ABTB2: variants seen among roughly 807,000 people sequenced by gnomAD.
ABTB2 encodes the protein ankyrin repeat and BTB domain containing 2, also known as ankyrin repeat and BTB/POZ domain-containing protein 2.
A neutral mutation model predicts 104.1 loss-of-function variants in ABTB2; 56 were observed. That is an observed-to-expected ratio of 0.54 (90% confidence interval 0.43 to 0.67). ABTB2 has a LOEUF of 0.67. ABTB2 is among the 30% of genes least tolerant of loss of function. The probability of loss-of-function intolerance (pLI) is 0.00; values close to 1 mark genes in which losing one functional copy is unlikely to be tolerated. For synonymous variants in ABTB2, 606 were observed against 608.2 expected, an observed-to-expected ratio of 1.00 and a Z score of 0.05; for missense variants, 1,279 against 1,407.7, an observed-to-expected ratio of 0.91 and a Z score of 1.46.
intron 1 of ABTB2, among the ~76,000 whole-genome samples, chr11:34,219,267 C>T (rs901893557): frequency 1.4e-4 from 21 of 152,188 alleles, no homozygotes; most frequent in African/African-American, 5.1e-4. Context: ...AAAGTTCTAT[C>T]ACCAGCCAGG....
At chr11:34,293,164 G>C (rs974096519) in intron 1 of ABTB2, among the ~76,000 whole-genome samples, 1 of 152,136 alleles carries the variant, frequency 6.6e-6, no homozygotes, top group South Asian at 2.1e-4. Context: ...AAGAAGAATC[G>C]AGGATAGCTG....
At chr11:34,315,028 CCT>C (rs947234582) in intron 1 of ABTB2, among the ~76,000 whole-genome samples, 2 of 152,192 alleles carry the variant, frequency 1.3e-5, no homozygotes, top group African/African-American at 4.8e-5. Context: ...ATTATCTTAC[CCT>C]CTTTTCAAAA....
chr11:34,175,048 C>G (rs1200880217), intron 3 of ABTB2, among the ~76,000 whole-genome samples: 5 of 152,236 alleles, frequency 3.3e-5, no homozygotes, highest in East Asian at 3.9e-4. Flanking sequence ...TGACATGCAG[C>G]TAAGTGCTCC....
intron 1 of ABTB2, among the ~76,000 whole-genome samples, chr11:34,295,239 G>A (rs1210603573): frequency 2.6e-5 from 4 of 152,140 alleles, no homozygotes; most frequent in African/African-American, 9.7e-5. Flanking sequence ...TTGCTGATGA[G>A]AATGATCCAG....
chr11:34,346,384 C>T (rs1170303868), intron 1 of ABTB2, among the ~76,000 whole-genome samples: 1 of 152,158 alleles, frequency 6.6e-6, no homozygotes, highest in Admixed American at 6.5e-5. Flanking sequence ...ACAGTGCCGG[C>T]CTGCCAGGAC....
At chr11:34,255,801 G>A (rs915275996) in intron 1 of ABTB2, among the ~76,000 whole-genome samples, 1 of 152,196 alleles carries the variant, frequency 6.6e-6, no homozygotes, top group African/African-American at 2.4e-5. Flanking sequence ...ACAGGCGTGA[G>A]CCACCAGGCC....
At chr11:34,328,190 C>T (rs540936217) in intron 1 of ABTB2, among the ~76,000 whole-genome samples, 1 of 152,220 alleles carries the variant, frequency 6.6e-6, no homozygotes, top group Admixed American at 6.5e-5. Context: ...CAGTATCCCC[C>T]CTTCTGGAAA....
intron 1 of ABTB2, among the ~76,000 whole-genome samples, chr11:34,351,945 T>G (rs531855307): frequency 6.6e-6 from 1 of 152,240 alleles, no homozygotes; most frequent in East Asian, 1.9e-4. Flanking sequence ...AAAAAAAATT[T>G]TTCATTTCCA....
At chr11:34,349,358 G>A (rs1335276500) in intron 1 of ABTB2, among the ~76,000 whole-genome samples, 5 of 152,130 alleles carry the variant, frequency 3.3e-5, no homozygotes, top group Admixed American at 3.3e-4. Context: ...TGTTGTTGGG[G>A]GTAATCGAGC....
At chr11:34,310,768 T>C (rs1367168590) in intron 1 of ABTB2, among the ~76,000 whole-genome samples, 1 of 152,166 alleles carries the variant, frequency 6.6e-6, no homozygotes, top group Non-Finnish European at 1.5e-5. Flanking sequence ...GTGGACTGCA[T>C]GGAGGTTATG....
intron 6 of ABTB2, among the ~76,000 whole-genome samples, 199 bp from the exon 7 acceptor site, chr11:34,167,559 T>C (rs1454559274): frequency 6.6e-6 from 1 of 152,122 alleles, no homozygotes; most frequent in Non-Finnish European, 1.5e-5. Flanking sequence ...AGAGGGCAGA[T>C]GGGGAGTGCT....
chr11:34,173,216 C>T lies in ABTB2; in HGVS notation c.1336G>A (p.Asp446Asn), dbSNP rs773563204. The change falls in exon 4 of 17, where the codon GAC becomes AAC. Residue 446 changes from aspartate (D) to asparagine (N), a missense_variant. Asp to Asn is a conservative substitution (Grantham distance 23, BLOSUM62 1). Coordinates refer to ENST00000435224, the MANE Select transcript of ABTB2 (RefSeq NM_145804.3). The stretch of plus-strand genomic sequence containing the variant: ...AGCAGCCGGGCTGCCTGCCGGATGT[C>T]GCCGCTGTCCACGGTGAGGCTGCGG... ...HRRSLTVDSG[D>N]IRQAARLLLP... The T allele has an allele frequency of 4.3e-6, 7 of 1,613,474 alleles. No individual in the cohort carries two copies. The highest frequency in any genetic ancestry group is 3.3e-5 in the South Asian group (3 of 91,018).
intron 2 of ABTB2, among the ~76,000 whole-genome samples, chr11:34,199,957 T>A (rs1853315845): frequency 6.6e-6 from 1 of 152,144 alleles, no homozygotes; most frequent in Admixed American, 6.5e-5. Context: ...GCCGTCAAAC[T>A]CTGCCCCACA....
Position 34,159,886 on chromosome 11 carries a change from T to G in ABTB2, c.2606+20A>C, listed in dbSNP as rs779517626. The G allele has an allele frequency of 1.9e-6, 3 of 1,591,014 alleles. No homozygotes were observed. The highest frequency in any genetic ancestry group is 3.3e-5 in the Admixed American group (2 of 59,964). ...CTTCTGTGCCCCTGGGCTGGGAGTT[T>G]GTTATCTGAGGCTGCCTACCTGTTA... is the stretch of plus-strand genomic sequence containing the variant. On this transcript the variant is annotated intron_variant, in intron 13 of 16. Transcript: ENST00000435224.
intron 2 of ABTB2, among the ~76,000 whole-genome samples, chr11:34,202,475 G>A (rs1853355349): frequency 6.6e-6 from 1 of 152,164 alleles, no homozygotes; most frequent in African/African-American, 2.4e-5. Context: ...AGTGAGCCGG[G>A]AAGCCATTGT....
rs540380479 is a variant in ABTB2, at chr11:34,152,099, G to A, written c.*288C>T. ...AGGATCAGCTGCTGACCTGCAGGAG[G>A]GGAGAGCGACACCCCGGGGGAGTGC... On this transcript the variant is annotated 3_prime_UTR_variant, in exon 17 of 17. Transcript: ENST00000435224. 1.4e-5 allele frequency: 6 copies of A among 429,662 alleles called. No homozygotes were observed. Among genetic ancestry groups the A allele is most frequent in the African/African-American group, 1.2e-4 (6 of 49,970 alleles). The allele number at this position is 429,662 out of a possible 1,614,324, so 26.6% of individuals were successfully genotyped here.
At chr11:34,248,793 A>G (rs73495554) in intron 1 of ABTB2, among the ~76,000 whole-genome samples, 5,010 of 152,334 alleles carry the variant, frequency 0.033, 286 homozygotes, top group African/African-American at 0.12. Context: ...AGCAGTCACA[A>G]TCTGATGTCT....
At chr11:34,248,201 C>T (rs1384700288) in intron 1 of ABTB2, among the ~76,000 whole-genome samples, 1 of 151,124 alleles carries the variant, frequency 6.6e-6, no homozygotes, top group Non-Finnish European at 1.5e-5. Context: ...TCAAGTGATC[C>T]TCCCACCTTA....
At chr11:34,317,761 C>CAA (rs772418965) in intron 1 of ABTB2, among the ~76,000 whole-genome samples, 1,640 of 125,616 alleles carry the variant, frequency 0.013, 46 homozygotes, top group African/African-American at 0.034. Flanking sequence ...AATCCTGTCT[C>CAA]AAAAAAAAAA....
Sources: gnomAD v4.1 joint callset for allele counts (sites outside exome capture counted in the v4.1 genomes callset) on GRCh38, gnomAD v4.1.1 for gene constraint, MANE v1.5 for transcripts, NCBI Gene and HGNC (gene_info 2026-07-23, HGNC 2026-07-21) for gene names.